Variants in FGFR4 observed in about 807,000 individuals in gnomAD.
FGFR4 encodes the protein hydroxyaryl-protein kinase.
Under a neutral mutation model 89.9 loss-of-function variants are expected in FGFR4, and 63 were observed. The observed-to-expected ratio is 0.70, with a 90% confidence interval of 0.57 to 0.86. The LOEUF (loss-of-function observed/expected upper bound fraction) is 0.86. Among genes scored for constraint, FGFR4 ranks in the 40% least tolerant of loss-of-function variants. FGFR4 has a pLI of 0.00. For missense variants in FGFR4, 928 were observed against 1,106.7 expected, an observed-to-expected ratio of 0.84 and a Z score of 2.29; for synonymous variants, 486 against 479.4, an observed-to-expected ratio of 1.01 and a Z score of -0.18.
Position 177,090,595 on chromosome 5 carries a change from C to A in FGFR4, c.297C>A (p.Tyr99Ter). Residue 99 changes from tyrosine to a stop codon, truncating the protein, a stop_gained, in exon 3 of 18, where the codon TAC (tyrosine) becomes TAA (stop). Coordinates refer to ENST00000292408, the MANE Select transcript of FGFR4 (RefSeq NM_213647.3). LOFTEE classifies it high-confidence loss of function. ...ASFLPEDAGR[Y>*]LCLARGSMIV... is the part of the protein sequence containing the mutation. ...TCCTACCTGAGGATGCTGGCCGCTA[C>A]CTCTGCCTGGCACGAGGCTCCATGA... 1 of 1,523,698 alleles carries A rather than the reference C, an allele frequency of 6.6e-7. No homozygotes were observed. The highest frequency in any genetic ancestry group is 8.8e-7 in the Non-Finnish European group (1 of 1,137,584). The allele number at this position is 1,523,698 out of a possible 1,614,324, so 94.4% of individuals were successfully genotyped here.
At position 177,092,560 on chromosome 5, in the gene FGFR4, T is replaced by C; in HGVS notation, c.918+49T>C. The C allele has an allele frequency of 2.6e-6, 4 of 1,563,682 alleles. No homozygotes were observed. In the Admixed American group the frequency reaches 7.2e-5, roughly 28 times the overall value. The stretch of plus-strand genomic sequence containing the variant: ...CCTGGGCCCCATTCTTCTCCCACCT[T>C]GGGTTGGGGGGCTCCCCAGCTTCCC... On this transcript the variant is annotated intron_variant, in intron 7 of 17. Transcript: ENST00000292408.
rs1365703008 is a variant in FGFR4, at chr5:177,093,458, G to A, written c.1304G>A (p.Gly435Asp). Reference protein sequence around the residue: ...SGKSSSSLVRGVRLSSSGPAL... With the variant: ...SGKSSSSLVRDVRLSSSGPAL... ...AAGTCAAGCTCATCCCTGGTACGAG[G>A]CGTGCGTCTCTCCTCCAGCGGCCCC... The change falls in exon 10 of 18, where the codon GGC (glycine) becomes GAC (aspartate). Residue 435 changes from glycine to aspartate, a missense_variant. By Grantham distance (94) the Gly-to-Asp change is moderately conservative. This residue lies in a region of FGFR4 where 741 missense variants were observed against 836.9 expected (regional missense o/e 0.89). Transcript: ENST00000292408. The surrounding 1 kb of genome is among the most constrained non-coding windows in gnomAD (Gnocchi z 5.8). 18 of 1,613,954 alleles carry A rather than the reference G, an allele frequency of 1.1e-5. No individual in the cohort carries two copies. Among genetic ancestry groups the A allele is most frequent in the African/African-American group, 4.0e-5 (3 of 74,952 alleles).
rs574277502 is a variant in FGFR4 at position 177,097,577 on chromosome 5, C to T, written c.2310C>T (p.Asp770=). 1.9e-5 allele frequency: 31 copies of T among 1,614,138 alleles called. No individual in the cohort carries two copies. The highest frequency in any genetic ancestry group is 9.9e-5 in the South Asian group (9 of 91,082). Residue 770 remains aspartate, a synonymous_variant, in exon 18 of 18, where the codon GAC becomes GAT. Transcript: ENST00000292408. The stretch of plus-strand genomic sequence containing the variant: ...GACCCTATTCCCCCTCTGGTGGGGA[C>T]GCCAGCAGCACCTGCTCCTCCAGCG... ...TFGPYSPSGG[D]ASSTCSSSDS...
At position 177,096,116 on chromosome 5, in the gene FGFR4, G is replaced by A. The variant is rs1784552059; in HGVS notation, c.1881G>A (p.Lys627=). 6.2e-7 allele frequency: 1 copy of A among 1,614,234 alleles called. No individual in the cohort carries two copies. Among genetic ancestry groups the A allele is most frequent in the East Asian group, 2.2e-5 (1 of 44,894 alleles). The part of the protein sequence containing the change: ...NVLVTEDNVM[K]IADFGLARGV... ...TGGTGACTGAGGACAATGTGATGAA[G>A]ATTGCTGACTTTGGGCTGGCCCGCG... Residue 627 remains lysine (K), a synonymous_variant, in exon 14 of 18, where the codon AAG becomes AAA. Transcript: ENST00000292408.
At position 177,095,991 on chromosome 5, in the gene FGFR4, G is replaced by T. The variant is rs1337276444; in HGVS notation, c.1822-66G>T. 5 of 1,564,614 alleles carry T rather than the reference G, an allele frequency of 3.2e-6. No individual in the cohort carries two copies. Among genetic ancestry groups the T allele is most frequent in the Admixed American group, 3.7e-5 (2 of 54,604 alleles). ...GAGGGCCCCTGCCCCCGGGCCTGCT[G>T]GGGGGTGGTGTGTGCTCAACTCCAG... On this transcript the variant is annotated intron_variant, in intron 13 of 17. Transcript: ENST00000292408. This position sits in a 1 kb window ranked among gnomAD's most constrained non-coding sequence, Gnocchi z 5.7.
intron 16 of FGFR4, 44 bp downstream of exon 16, chr5:177,096,785 C>T (rs769258887): frequency 3.4e-5 from 52 of 1,546,580 alleles, no homozygotes; most frequent in Middle Eastern, 2.1e-4. Context: ...CAGTCCTCCT[C>T]CTCCTCTGCC....
At chr5:177,094,996 G>A (rs570220992) in intron 11 of FGFR4, 126 of 292,278 alleles carry the variant, frequency 4.3e-4, no homozygotes, top group Non-Finnish European at 7.5e-4. Flanking sequence ...CCCCTCCAGC[G>A]GCAGCTTCCT....
At chr5:177,089,443 C>A in intron 1 of FGFR4, 107 bp from the exon 2 acceptor site, 1 of 1,290,322 alleles carries the variant, frequency 7.7e-7, no homozygotes, top group Non-Finnish European at 1.0e-6. Flanking sequence ...GGGACTTGGA[C>A]ACATCTGCTG....
rs539751391 is a variant in FGFR4, at chr5:177,095,151, C to T, written c.1520-179C>T. 1.6e-6 allele frequency: 1 copy of T among 614,722 alleles called. No individual in the cohort carries two copies. Among genetic ancestry groups the T allele is most frequent in the Admixed American group, 2.6e-5 (1 of 38,564 alleles). 38.1% of individuals were successfully genotyped at this position (614,722 alleles called of 1,614,324 possible). On this transcript the variant is annotated intron_variant, in intron 11 of 17. Coordinates refer to ENST00000292408, the MANE Select transcript of FGFR4 (RefSeq NM_213647.3). This position sits in a 1 kb window ranked among gnomAD's most constrained non-coding sequence, Gnocchi z 5.7. ...GTGTGACCCACTGCTCTGTTTCCCA[C>T]AAGACGAACCTGAGGTTCAGAGACG...
chr5:177,091,552 C>T, intron 5 of FGFR4, 133 bp from the exon 6 acceptor site: 1 of 1,297,534 alleles, frequency 7.7e-7, no homozygotes, highest in Non-Finnish European at 1.0e-6. Context: ...AGTCCTTGGC[C>T]TGGGCCTGAT....
At chr5:177,088,972 G>T (rs1225617620) in intron 1 of FGFR4, among the ~76,000 whole-genome samples, 1 of 152,182 alleles carries the variant, frequency 6.6e-6, no homozygotes, top group Non-Finnish European at 1.5e-5. Context: ...TTACAAAACC[G>T]TGTGTGCCTC....
intron 11 of FGFR4, chr5:177,094,756 T>C (rs1784490106): frequency 6.3e-6 from 1 of 159,716 alleles, no homozygotes; most frequent in Non-Finnish European, 1.4e-5. Context: ...GAGGCAGGGA[T>C]TGAGAAATGC....
Position 177,095,422 on chromosome 5 carries a change from G to T in FGFR4, c.1612G>T (p.Gly538Cys). The change falls in exon 12 of 18, where the codon GGT becomes TGT. Residue 538 changes from glycine (G) to cysteine (C), a missense_variant. Transcript: ENST00000292408. The surrounding 1 kb of genome is among the most constrained non-coding windows in gnomAD (Gnocchi z 5.7). ...ACACAAGAACATCATCAACCTGCTT[G>T]GTGTCTGCACCCAGGAAGGTGGGGC... Reference protein sequence around the residue: ...GRHKNIINLLGVCTQEGPLYV... With the variant: ...GRHKNIINLLCVCTQEGPLYV... The T allele has an allele frequency of 6.2e-7, 1 of 1,614,214 alleles. No homozygotes were observed. Among genetic ancestry groups the T allele is most frequent in the Non-Finnish European group, 8.5e-7 (1 of 1,180,036 alleles).
rs370728224 is a variant in FGFR4, at chr5:177,093,735, G to A, written c.1479G>A (p.Arg493=). ...AGGCCTTTGGCATGGACCCTGCCCG[G>A]CCTGACCAAGCCAGCACTGTGGCCG... is the stretch of plus-strand genomic sequence containing the variant. ...RAEAFGMDPA[R]PDQASTVAVK... The change falls in exon 11 of 18, where the codon CGG becomes CGA. Residue 493 remains arginine, a synonymous_variant. Transcript: ENST00000292408. The surrounding 1 kb of genome is among the most constrained non-coding windows in gnomAD (Gnocchi z 5.8). 3 of 1,613,722 alleles carry A rather than the reference G, an allele frequency of 1.9e-6. No individual in the cohort carries two copies. The highest frequency in any genetic ancestry group is 2.7e-5 in the African/African-American group (2 of 74,926).
At position 177,095,235 on chromosome 5, in the gene FGFR4, G is replaced by A; in HGVS notation, c.1520-95G>A. 1 of 1,000,918 alleles carries A rather than the reference G, an allele frequency of 1.0e-6. No individual in the cohort carries two copies. Among genetic ancestry groups the A allele is most frequent in the Admixed American group, 1.8e-5 (1 of 56,198 alleles). 62.0% of individuals were successfully genotyped at this position (1,000,918 alleles called of 1,614,324 possible). A position where few individuals can be genotyped will look rare whatever the true frequency, so the allele number is the denominator to read the frequency against. On this transcript the variant is annotated intron_variant, in intron 11 of 17. Transcript: ENST00000292408. The surrounding 1 kb of genome is among the most constrained non-coding windows in gnomAD (Gnocchi z 5.7). ...AAGGATTCAGCCCTAGACCTACGTA[G>A]CCCTGGTCCAGTGCTGCTTGTCCTG...
intron 11 of FGFR4, among the ~76,000 whole-genome samples, chr5:177,094,240 C>T (rs943326810): frequency 1.3e-5 from 2 of 152,090 alleles, no homozygotes; most frequent in Admixed American, 1.3e-4. Context: ...GCTCCTGACC[C>T]TGGCAAGTGA....
intron 1 of FGFR4, chr5:177,088,098 G>T (rs1009740853): frequency 1.9e-5 from 3 of 155,324 alleles, no homozygotes; most frequent in African/African-American, 7.2e-5. Flanking sequence ...TGTCGCCCAG[G>T]CTGGAGTGCA....
At chr5:177,090,043 G>A in intron 2 of FGFR4, 1 of 664,220 alleles carries the variant, frequency 1.5e-6, no homozygotes, top group Non-Finnish European at 2.8e-6. Flanking sequence ...AGCATTATGA[G>A]GGTGATATGC....
rs1784437611 is a variant in FGFR4 at position 177,093,350 on chromosome 5, A to G, written c.1251+19A>G. Reference sequence around the variant, plus strand: ...CCGACAGGTACTGGGCGCATCCCCCACCTCACATGTGACAGCCTGACTCCA... The same window carrying G: ...CCGACAGGTACTGGGCGCATCCCCCGCCTCACATGTGACAGCCTGACTCCA... On this transcript the variant is annotated intron_variant, in intron 9 of 17. Transcript: ENST00000292408. This position sits in a 1 kb window ranked among gnomAD's most constrained non-coding sequence, Gnocchi z 5.8. 1.4e-6 allele frequency: 2 copies of G among 1,433,974 alleles called. No individual in the cohort carries two copies. Among genetic ancestry groups the G allele is most frequent in the Non-Finnish European group, 9.4e-7 (1 of 1,067,808 alleles). 88.8% of individuals were successfully genotyped at this position (1,433,974 alleles called of 1,614,324 possible). A position where few individuals can be genotyped will look rare whatever the true frequency, so the allele number is the denominator to read the frequency against.
Sources: gnomAD v4.1 joint callset for allele counts (sites outside exome capture counted in the v4.1 genomes callset) on GRCh38, gnomAD v4.1.1 for gene constraint, gnomAD v4.1.1 regional missense constraint, Gnocchi (gnomAD v3.1) non-coding constraint, MANE v1.5 for transcripts, NCBI Gene and HGNC (gene_info 2026-07-23, HGNC 2026-07-21) for gene names.